The following KLF8 variants were observed in gnomAD, a reference collection of about 807,000 sequenced individuals.
KLF8 encodes Krueppel-like factor 8.
KLF8 carries 10 observed loss-of-function variants against 18.2 expected under a neutral mutation model. The ratio of observed to expected loss-of-function variants is 0.55; its 90% CI spans 0.34 to 0.93. The LOEUF (loss-of-function observed/expected upper bound fraction) is 0.93, where lower values mean the gene tolerates loss of function less well. KLF8 is among the 40% of genes least tolerant of loss of function. The pLI is 0.02. For synonymous variants in KLF8, 109 were observed against 97.3 expected (o/e 1.12, Z -0.71); for missense variants, 264 against 277.9 (o/e 0.95, Z 0.36).
chrX:56,094,183 T>TA, the KLF8 span, among the ~76,000 whole-genome samples: 2 of 110,058 alleles, frequency 1.8e-5, no homozygotes, highest in East Asian at 2.8e-4. Flanking sequence ...AGGGTAAATT[T>TA]AAAAAACTAG....
At chrX:56,180,379 C>G in the KLF8 span, among the ~76,000 whole-genome samples, 1 of 108,622 alleles carries the variant, frequency 9.2e-6, no homozygotes, top group Non-Finnish European at 1.9e-5. Context: ...GTCTTCTTAG[C>G]AGTGTATCAA....
At chrX:56,244,059 C>A (rs1039072264) in intron 1 of KLF8, among the ~76,000 whole-genome samples, 14 of 111,486 alleles carry the variant, frequency 1.3e-4, no homozygotes, top group Admixed American at 1.2e-3. Context: ...CTACTGGTAC[C>A]CAGGTAATTT....
the KLF8 span, among the ~76,000 whole-genome samples, chrX:56,205,784 C>T: frequency 8.9e-6 from 1 of 111,739 alleles, no homozygotes; most frequent in African/African-American, 3.2e-5. Context: ...CCACTGGGTC[C>T]CAGGATTTTC....
At chrX:56,004,242 T>G in the KLF8 span, among the ~76,000 whole-genome samples, 1 of 112,562 alleles carries the variant, frequency 8.9e-6, no homozygotes, top group African/African-American at 3.2e-5. Context: ...GTCAAGTGTT[T>G]GAAATTAAGC....
the KLF8 span, among the ~76,000 whole-genome samples, chrX:55,928,893 G>T: frequency 1.8e-5 from 2 of 112,059 alleles, no homozygotes; most frequent in Admixed American, 1.9e-4. Context: ...CCCAGTCAAG[G>T]TGATTGCTGG....
the KLF8 span, among the ~76,000 whole-genome samples, chrX:56,189,446 G>T: frequency 9.0e-6 from 1 of 111,422 alleles, no homozygotes; most frequent in African/African-American, 3.3e-5. Context: ...TTCAACCCTT[G>T]TGGAAGTCAT....
intron 2 of KLF8, among the ~76,000 whole-genome samples, chrX:56,252,797 A>G (rs2066732611): frequency 8.9e-6 from 1 of 112,322 alleles, no homozygotes; most frequent in African/African-American, 3.2e-5. Context: ...AGGAACCTCC[A>G]AATTGTTCTC....
At chrX:56,193,701 G>A in the KLF8 span, among the ~76,000 whole-genome samples, 1 of 111,914 alleles carries the variant, frequency 8.9e-6, no homozygotes, top group Admixed American at 9.5e-5. Context: ...TATGCTAAGT[G>A]AAATAAGCCA....
At chrX:56,195,520 G>A in the KLF8 span, among the ~76,000 whole-genome samples, 2 of 111,947 alleles carry the variant, frequency 1.8e-5, no homozygotes, top group South Asian at 3.7e-4. Context: ...AAAGCCAGAA[G>A]ACAAGGTTAC....
chrX:56,176,612 T>A, the KLF8 span, among the ~76,000 whole-genome samples: 1 of 111,084 alleles, frequency 9.0e-6, no homozygotes. Context: ...AATATCTTTG[T>A]GGTGTTCTCT....
the KLF8 span, among the ~76,000 whole-genome samples, chrX:56,138,281 A>G: frequency 9.0e-6 from 1 of 111,609 alleles, no homozygotes; most frequent in East Asian, 2.8e-4. Flanking sequence ...TATTTCAAAA[A>G]TGGAGAAGGA....
rs770463303 is a variant in KLF8, at chrX:56,249,111, G to T, written c.8-1120G>T. On this transcript the variant is annotated intron_variant, in intron 1 of 5. Coordinates refer to ENST00000468660, the MANE Select transcript of KLF8 (RefSeq NM_007250.5). ...TCTACTATTCTTATTACTTACTACA[G>T]TTCCTCCATTAACCTGTTAAAAGAG... Among the ~76,000 whole-genome samples the T allele has an allele frequency of 5.3e-5, 6 of 112,384 alleles. No individual in the cohort carries two copies. The East Asian group carries it at 1.4e-3, about 26-fold the overall frequency.
the KLF8 span, among the ~76,000 whole-genome samples, chrX:56,133,589 C>T: frequency 1.8e-5 from 2 of 111,542 alleles, no homozygotes; most frequent in Non-Finnish European, 3.8e-5. Context: ...AAAGCATTCC[C>T]TCTGAGAACT....
At chrX:56,176,205 C>G in the KLF8 span, among the ~76,000 whole-genome samples, 1 of 112,000 alleles carries the variant, frequency 8.9e-6, no homozygotes. Context: ...CCTCCATGGT[C>G]TTTACAATTT....
the KLF8 span, among the ~76,000 whole-genome samples, chrX:56,056,828 G>A: frequency 3.1e-5 from 3 of 95,629 alleles, no homozygotes; most frequent in African/African-American, 1.3e-4. Flanking sequence ...ATCATTGCAG[G>A]TGTAAAAAAA....
At chrX:56,100,017 A>G in the KLF8 span, among the ~76,000 whole-genome samples, 3 of 111,818 alleles carry the variant, frequency 2.7e-5, no homozygotes, top group Non-Finnish European at 5.6e-5. Context: ...CTAAGATGCC[A>G]TCTGGGACTC....
the KLF8 span, among the ~76,000 whole-genome samples, chrX:56,217,198 C>G: frequency 9.0e-6 from 1 of 111,183 alleles, no homozygotes; most frequent in East Asian, 2.8e-4. Context: ...GACTTCCTAT[C>G]TTGGAGGCAT....
At chrX:56,170,655 CAG>C in the KLF8 span, among the ~76,000 whole-genome samples, 10 of 109,931 alleles carry the variant, frequency 9.1e-5, no homozygotes, top group Non-Finnish European at 1.9e-4. Flanking sequence ...CTAAAGGAAA[CAG>C]AATTAAAAAC....
chrX:55,971,955 A>T, the KLF8 span, among the ~76,000 whole-genome samples: 3 of 109,469 alleles, frequency 2.7e-5, no homozygotes, highest in Non-Finnish European at 3.8e-5. Flanking sequence ...CACACTGTTG[A>T]TGGGAATGTA....
Sources: gnomAD v4.1 joint callset for allele counts (sites outside exome capture counted in the v4.1 genomes callset) on GRCh38, gnomAD v4.1.1 for gene constraint, MANE v1.5 for transcripts, NCBI Gene and HGNC (gene_info 2026-07-23, HGNC 2026-07-21) for gene names.